The following USP4 variants were observed in gnomAD, a reference collection of about 807,000 sequenced individuals.
USP4 encodes the protein ubiquitin specific peptidase 4, also known as ubiquitin carboxyl-terminal hydrolase 4.
USP4 carries 72 observed loss-of-function variants against 118.2 expected under a neutral mutation model. That is an observed-to-expected ratio of 0.61 (90% CI 0.50 to 0.74). The LOEUF is 0.74. Ranked by LOEUF, USP4 falls within the 30% of genes least tolerant of loss-of-function variation. USP4 has a pLI of 0.00. For missense variants in USP4, 1,037 were observed against 1,185.7 expected (o/e 0.87, Z 1.84); for synonymous variants, 415 against 440.4 (o/e 0.94, Z 0.72).
At chr3:49,316,742 C>T (rs2047440742) in intron 6 of USP4, 2 of 366,262 alleles carry the variant, frequency 5.5e-6, no homozygotes, top group South Asian at 8.1e-5. Context: ...AGAACCCCTG[C>T]CCCCTGCCCT....
intron 14 of USP4, among the ~76,000 whole-genome samples, chr3:49,293,997 A>G (rs529563013): frequency 6.3e-4 from 87 of 139,200 alleles, no homozygotes; most frequent in Non-Finnish European, 1.1e-3. Context: ...TTTTTTTGAG[A>G]TGGAGTCTCA....
intron 6 of USP4, chr3:49,317,001 C>T (rs368052323): frequency 1.4e-5 from 10 of 736,508 alleles, no homozygotes; most frequent in Admixed American, 8.9e-5. Context: ...GCAGCTGCTG[C>T]CATGAAGAAG....
At chr3:49,291,747 G>C (rs1168317278) in intron 15 of USP4, among the ~76,000 whole-genome samples, 2 of 151,986 alleles carry the variant, frequency 1.3e-5, no homozygotes, top group Non-Finnish European at 2.9e-5. Flanking sequence ...GGGAGGCTAA[G>C]GCAGGAGTAT....
chr3:49,332,700 A>G (rs1301007724), intron 2 of USP4, among the ~76,000 whole-genome samples: 1 of 151,882 alleles, frequency 6.6e-6, no homozygotes. Context: ...TGTCTCAAAA[A>G]AATAATAATA....
chr3:49,286,177 A>T lies in USP4; in HGVS notation c.2121T>A (p.Phe707Leu), dbSNP rs1182892893. The change falls in exon 16 of 22, where the codon TTT (phenylalanine) becomes TTA (leucine). Residue 707 changes from phenylalanine to leucine, a missense_variant. Phe to Leu is a conservative substitution (Grantham distance 22). This residue lies in a region of USP4 where 522 missense variants were observed against 592.6 expected (regional missense o/e 0.88). Transcript: ENST00000265560. ...CATAGGAGTTCACAAGACTGAAGGT[A>T]AAAAGCCTTTTTGGGCAGGGCTGGC... is the stretch of plus-strand genomic sequence containing the variant. ...IKGQPCPKRLFTFSLVNSYGT... is the reference protein window; with the variant it reads ...IKGQPCPKRLLTFSLVNSYGT... The T allele has an allele frequency of 6.2e-7, 1 of 1,614,154 alleles. No homozygotes were observed. Among genetic ancestry groups the T allele is most frequent in the African/African-American group, 1.3e-5 (1 of 75,028 alleles).
At chr3:49,325,919 A>G in intron 3 of USP4, 74 bp from the exon 4 acceptor site, 1 of 1,558,520 alleles carries the variant, frequency 6.4e-7, no homozygotes, top group South Asian at 1.1e-5. Context: ...ATATCTTATC[A>G]GAAGCAAAAA....
intron 8 of USP4, among the ~76,000 whole-genome samples, chr3:49,307,151 C>A (rs2047327242): frequency 6.6e-6 from 1 of 152,028 alleles, no homozygotes; most frequent in Non-Finnish European, 1.5e-5. Context: ...CAAAAAAATT[C>A]AAAGTTAGAC....
At chr3:49,323,218 C>T (rs1390904614) in intron 6 of USP4, among the ~76,000 whole-genome samples, 2 of 149,352 alleles carry the variant, frequency 1.3e-5, no homozygotes, top group Non-Finnish European at 3.0e-5. Flanking sequence ...CCGCCCACCT[C>T]GGCCTCCCAA....
chr3:49,304,498 C>A (rs1039501332), intron 9 of USP4, among the ~76,000 whole-genome samples: 1 of 152,130 alleles, frequency 6.6e-6, no homozygotes, highest in African/African-American at 2.4e-5. Context: ...GAGCCCAATT[C>A]CTGACTTAGG....
At chr3:49,281,483 TATATATATACACACAC>T (rs1038990272) in intron 19 of USP4, among the ~76,000 whole-genome samples, 3 of 103,606 alleles carry the variant, frequency 2.9e-5, no homozygotes, top group Non-Finnish European at 3.9e-5. Flanking sequence ...TGTGTATATA[TATATATATACACACAC>T]ACACACACAC....
At chr3:49,336,116 G>A (rs1472593498) in intron 1 of USP4, among the ~76,000 whole-genome samples, 4 of 150,812 alleles carry the variant, frequency 2.7e-5, no homozygotes, top group African/African-American at 4.9e-5. Flanking sequence ...CGCCTACTTC[G>A]GCCTCCCAAA....
intron 15 of USP4, 142 bp downstream of exon 15, chr3:49,292,368 C>T (rs2047160415): frequency 2.2e-6 from 1 of 446,180 alleles, no homozygotes; most frequent in South Asian, 6.3e-5. Context: ...ATGTTGTAGA[C>T]CTAACTCCTA....
chr3:49,315,430 G>A (rs749659819), intron 6 of USP4, among the ~76,000 whole-genome samples: 60 of 152,294 alleles, frequency 3.9e-4, no homozygotes, highest in Non-Finnish European at 7.1e-4. Flanking sequence ...GAAATGCTGA[G>A]CACTAGGGCA....
intron 13 of USP4, among the ~76,000 whole-genome samples, chr3:49,295,211 C>T (rs2047190571): frequency 6.9e-6 from 1 of 145,704 alleles, no homozygotes; most frequent in Non-Finnish European, 1.5e-5. Context: ...ATGGTGTGAA[C>T]CCAGGAGGCG....
intron 6 of USP4, 104 bp from the exon 7 acceptor site, chr3:49,311,758 G>T: frequency 6.8e-7 from 1 of 1,463,320 alleles, no homozygotes; most frequent in South Asian, 1.4e-5. Context: ...TTCATATTAA[G>T]TTAAAATAAA....
chr3:49,318,247 G>A, intron 6 of USP4: 1 of 876,168 alleles, frequency 1.1e-6, no homozygotes, highest in East Asian at 1.2e-4. Context: ...GGGATTACAG[G>A]CATGAGCCAC....
chr3:49,325,719 C>T lies in USP4; in HGVS notation c.487G>A (p.Ala163Thr). The T allele has an allele frequency of 3.1e-6, 5 of 1,613,372 alleles. No homozygotes were observed. Among genetic ancestry groups the T allele is most frequent in the Non-Finnish European group, 4.2e-6 (5 of 1,179,682 alleles). The change falls in exon 4 of 22, where the codon GCA (alanine) becomes ACA (threonine). Residue 163 changes from alanine to threonine, a missense_variant and splice_region_variant. Ala to Thr is a moderately conservative substitution (Grantham distance 58, BLOSUM62 0). Coordinates refer to ENST00000265560, the MANE Select transcript of USP4 (RefSeq NM_003363.4). ...CAGGGACCCCAGCCCAGCCTCTCAC[C>T]AATGGTGTCTGCCTTGCTGAAATGG... ...SCHFSKADTI[A>T]TIEKEMRKLF...
At chr3:49,299,368 G>T (rs539889898) in intron 11 of USP4, among the ~76,000 whole-genome samples, 1 of 150,288 alleles carries the variant, frequency 6.7e-6, no homozygotes, top group South Asian at 2.1e-4. Context: ...GATTACAGGG[G>T]TAAGCCACCG....
chr3:49,321,578 A>G (rs1369347716), intron 6 of USP4, among the ~76,000 whole-genome samples: 1 of 150,346 alleles, frequency 6.7e-6, no homozygotes, highest in African/African-American at 2.5e-5. Flanking sequence ...CACCATTCTC[A>G]TGCCTCAGCC....
Sources: gnomAD v4.1 joint callset for allele counts (sites outside exome capture counted in the v4.1 genomes callset) on GRCh38, gnomAD v4.1.1 for gene constraint, gnomAD v4.1.1 regional missense constraint, MANE v1.5 for transcripts, NCBI Gene and HGNC (gene_info 2026-07-23, HGNC 2026-07-21) for gene names.